VAV3: variants seen among roughly 807,000 people sequenced by gnomAD.
VAV3 encodes the protein guanine nucleotide exchange factor VAV3.
Under a neutral mutation model 131.2 loss-of-function variants are expected in VAV3, and 94 were observed. The observed-to-expected ratio is 0.72, with a 90% CI of 0.61 to 0.85. The LOEUF is 0.85. Ranked by LOEUF, VAV3 falls within the 40% of genes least tolerant of loss-of-function variation. The pLI is 0.00. For missense variants in VAV3, 939 were observed against 1,002.7 expected, an observed-to-expected ratio of 0.94 and a Z score of 0.86; for synonymous variants, 349 against 342.0, an observed-to-expected ratio of 1.02 and a Z score of -0.22.
Position 107,705,079 on chromosome 1 carries a change from AT to A in VAV3, c.1503-19del, listed in dbSNP as rs1557777406. ...TGTTAGACCTAAAAAAAGGAAAAAA[AT>A]AACTTTCTATAGAAAGTTTCACAAC... On this transcript the variant is annotated intron_variant, in intron 15 of 26. Transcript: ENST00000370056. The A allele has an allele frequency of 1.3e-6, 2 of 1,572,932 alleles. No individual in the cohort carries two copies. The highest frequency in any genetic ancestry group is 1.7e-6 in the Non-Finnish European group (2 of 1,148,378).
At chr1:107,620,441 GAT>G (rs1288078136) in intron 20 of VAV3, among the ~76,000 whole-genome samples, 1 of 152,200 alleles carries the variant, frequency 6.6e-6, no homozygotes, top group Admixed American at 6.5e-5. Flanking sequence ...AGTAACATGC[GAT>G]ACAGGTTTGT....
chr1:107,757,907 T>C (rs35761581), intron 10 of VAV3, among the ~76,000 whole-genome samples: 89,742 of 151,932 alleles, frequency 0.59, 27,009 homozygotes, highest in Non-Finnish European at 0.63. Context: ...ACCACTGTCA[T>C]AATGTCAACT....
At chr1:107,918,742 G>GT (rs1346490913) in intron 1 of VAV3, among the ~76,000 whole-genome samples, 2 of 123,036 alleles carry the variant, frequency 1.6e-5, no homozygotes, top group African/African-American at 6.5e-5. Flanking sequence ...TTTTGCTCTT[G>GT]TTGCCCAGGC....
At chr1:107,936,880 G>A (rs747149054) in intron 1 of VAV3, among the ~76,000 whole-genome samples, 22 of 152,076 alleles carry the variant, frequency 1.4e-4, no homozygotes, top group African/African-American at 3.9e-4. Flanking sequence ...TTCCCCGACC[G>A]ATCTTGTGAT....
chr1:107,782,346 C>T (rs549223368), intron 2 of VAV3, among the ~76,000 whole-genome samples: 2 of 152,202 alleles, frequency 1.3e-5, no homozygotes, highest in African/African-American at 4.8e-5. Flanking sequence ...CCCTACACAC[C>T]GCCTCTTTCA....
At chr1:107,656,214 A>G (rs938145787) in intron 19 of VAV3, among the ~76,000 whole-genome samples, 2 of 152,196 alleles carry the variant, frequency 1.3e-5, no homozygotes, top group Non-Finnish European at 2.9e-5. Flanking sequence ...GTGTCCATCA[A>G]TGGATGGGTG....
intron 1 of VAV3, among the ~76,000 whole-genome samples, chr1:107,915,684 C>T (rs962422294): frequency 2.6e-5 from 4 of 152,206 alleles, no homozygotes; most frequent in Non-Finnish European, 5.9e-5. Flanking sequence ...TGGACAGGGG[C>T]TGTGTTTTAT....
intron 25 of VAV3, among the ~76,000 whole-genome samples, chr1:107,586,731 T>C (rs536631697): frequency 4.6e-5 from 7 of 152,146 alleles, no homozygotes; most frequent in East Asian, 3.9e-4. Context: ...GGAAAGAACA[T>C]ACCAGATGAA....
At chr1:107,808,300 G>C (rs1667158469) in intron 2 of VAV3, among the ~76,000 whole-genome samples, 1 of 152,082 alleles carries the variant, frequency 6.6e-6, no homozygotes, top group Non-Finnish European at 1.5e-5. Flanking sequence ...AACATGACAG[G>C]CCTAAGAAGA....
chr1:107,703,260 T>A (rs1447513248), intron 17 of VAV3, among the ~76,000 whole-genome samples: 1 of 152,206 alleles, frequency 6.6e-6, no homozygotes, highest in African/African-American at 2.4e-5. Flanking sequence ...AATTAAAGAA[T>A]AACAACAATA....
At chr1:107,651,861 A>G (rs1429044932) in intron 19 of VAV3, among the ~76,000 whole-genome samples, 1 of 152,144 alleles carries the variant, frequency 6.6e-6, no homozygotes, top group African/African-American at 2.4e-5. Flanking sequence ...GTCACTGCAT[A>G]CAAGACCCTA....
At chr1:107,744,728 T>C (rs1557814024) in intron 15 of VAV3, among the ~76,000 whole-genome samples, 1 of 152,184 alleles carries the variant, frequency 6.6e-6, no homozygotes, top group Non-Finnish European at 1.5e-5. Context: ...GAAAACTGTC[T>C]GATTGCTAGA....
chr1:107,668,805 T>C (rs968248047), intron 19 of VAV3: 3 of 985,154 alleles, frequency 3.0e-6, no homozygotes, highest in Admixed American at 1.2e-4. Context: ...AGCTTATATT[T>C]TTAGGAGAAA....
chr1:107,892,609 A>T (rs1671362465), intron 1 of VAV3, among the ~76,000 whole-genome samples: 1 of 47,956 alleles, frequency 2.1e-5, no homozygotes, highest in Admixed American at 1.8e-4. Flanking sequence ...AAACCAAAAA[A>T]TTAGTTACAA....
rs1663802129 is a variant in VAV3, at chr1:107,752,568, T to C, written c.1174-1366A>G. ...AACCATATGTCTTATAAGGGATTGA[T>C]ATCTGGGATACAAATAAAGAGCTTC... On this transcript the variant is annotated intron_variant, in intron 12 of 26. Coordinates refer to ENST00000370056, the MANE Select transcript of VAV3 (RefSeq NM_006113.5). 2.0e-5 allele frequency among the ~76,000 whole-genome samples: 3 copies of C among 152,294 alleles called. No individual in the cohort carries two copies. In the South Asian group the frequency reaches 6.2e-4, roughly 32 times the overall value.
rs1265923486 is a variant in VAV3, at chr1:107,928,679, AG to A, written c.204+35986del. Among the ~76,000 whole-genome samples the A allele has an allele frequency of 2.6e-5, 4 of 152,356 alleles. No individual in the cohort carries two copies. In the East Asian group the frequency reaches 7.7e-4, roughly 29 times the overall value. On this transcript the variant is annotated intron_variant, in intron 1 of 26. Transcript: ENST00000370056. ...AAGCAGAATTAGTGAGCTTGACAGC[AG>A]GCTAGCTGAAAATACACAGTCAGAG...
intron 2 of VAV3, among the ~76,000 whole-genome samples, chr1:107,833,735 C>G (rs1288712247): frequency 6.6e-6 from 1 of 152,166 alleles, no homozygotes; most frequent in Admixed American, 6.5e-5. Flanking sequence ...CCCCACCAAG[C>G]AATAGTGAAA....
chr1:107,731,522 C>A (rs1662236358), intron 15 of VAV3, among the ~76,000 whole-genome samples: 1 of 151,904 alleles, frequency 6.6e-6, no homozygotes, highest in Admixed American at 6.6e-5. Context: ...TCTATTTGGG[C>A]CCAAGAAGTG....
At chr1:107,692,621 G>A (rs1659495995) in intron 17 of VAV3, among the ~76,000 whole-genome samples, 2 of 152,122 alleles carry the variant, frequency 1.3e-5, no homozygotes, top group African/African-American at 4.8e-5. Context: ...GATTTATAAA[G>A]GAGCCCGGTT....
Sources: allele counts gnomAD v4.1 joint callset (sites outside exome capture counted in the v4.1 genomes callset), GRCh38; gene constraint gnomAD v4.1.1; transcripts MANE v1.5; gene names NCBI Gene and HGNC (gene_info 2026-07-23, HGNC 2026-07-21).